Variants in SYNDIG1 observed in about 807,000 individuals in gnomAD.
The protein encoded by SYNDIG1 is synapse differentiation-inducing gene protein 1.
In SYNDIG1, 9 loss-of-function variants were observed where a neutral mutation model predicts 19.4. The ratio of observed to expected loss-of-function variants is 0.46; its 90% confidence interval spans 0.28 to 0.81. The LOEUF is 0.81. Ranked by LOEUF, SYNDIG1 falls within the 30% of genes least tolerant of loss-of-function variation. The probability of loss-of-function intolerance (pLI) is 0.12; values close to 1 mark genes in which losing one functional copy is unlikely to be tolerated. For synonymous variants in SYNDIG1, 141 were observed against 145.9 expected (o/e 0.97, Z 0.24); for missense variants, 311 against 343.3 (o/e 0.91, Z 0.74).
At chr20:24,557,076 C>T (rs895352488) in intron 2 of SYNDIG1, among the ~76,000 whole-genome samples, 2 of 152,016 alleles carry the variant, frequency 1.3e-5, no homozygotes, top group African/African-American at 4.8e-5. Flanking sequence ...TCACTGATAC[C>T]CTTTCTTCCA....
At chr20:24,588,386 AG>A (rs920010974) in intron 3 of SYNDIG1, among the ~76,000 whole-genome samples, 6 of 152,214 alleles carry the variant, frequency 3.9e-5, no homozygotes, top group African/African-American at 1.4e-4. Flanking sequence ...AGTGTTAGTG[AG>A]GTGGGTAACA....
At chr20:24,537,867 A>G (rs1474499898) in intron 1 of SYNDIG1, among the ~76,000 whole-genome samples, 2 of 151,822 alleles carry the variant, frequency 1.3e-5, no homozygotes, top group African/African-American at 4.8e-5. Context: ...ACATCCTAGG[A>G]TGTGAAGGAG....
At position 24,658,031 on chromosome 20, in the gene SYNDIG1, G is replaced by A. The variant is rs2059546466; in HGVS notation, c.619-7315G>A. On this transcript the variant is annotated intron_variant, in intron 3 of 3. Transcript: ENST00000376862. The surrounding 1 kb of genome is among the most constrained non-coding windows in gnomAD (Gnocchi z 4.4). ...GCATAACTGCTGAGGACCCCCAGCT[G>A]TGCTGGCCCCGGTCCATGGATGACG... Among the ~76,000 whole-genome samples, 1 of 152,150 alleles carries A rather than the reference G, an allele frequency of 6.6e-6. No homozygotes were observed. Among genetic ancestry groups the A allele is most frequent in the Non-Finnish European group, 1.5e-5 (1 of 68,014 alleles).
intron 2 of SYNDIG1, among the ~76,000 whole-genome samples, chr20:24,580,033 C>T (rs1032314668): frequency 7.9e-5 from 12 of 152,158 alleles, no homozygotes; most frequent in Non-Finnish European, 1.3e-4. Flanking sequence ...GTAGAATGGG[C>T]GGCCCTGGAG....
intron 1 of SYNDIG1, among the ~76,000 whole-genome samples, chr20:24,486,943 C>T (rs1195283815): frequency 1.3e-5 from 2 of 152,118 alleles, no homozygotes; most frequent in Admixed American, 6.6e-5. Context: ...AGGTGTGAGC[C>T]GCCGTGCGCA....
At chr20:24,540,761 G>A (rs1249770599) in intron 1 of SYNDIG1, among the ~76,000 whole-genome samples, 1 of 152,116 alleles carries the variant, frequency 6.6e-6, no homozygotes, top group Non-Finnish European at 1.5e-5. Context: ...ACTTGATCAT[G>A]GTATATGATT....
At chr20:24,586,515 T>C (rs2058420608) in intron 3 of SYNDIG1, among the ~76,000 whole-genome samples, 1 of 152,244 alleles carries the variant, frequency 6.6e-6, no homozygotes, top group African/African-American at 2.4e-5. Flanking sequence ...AGGCCCATGG[T>C]GGGCAGAGCC....
intron 3 of SYNDIG1, among the ~76,000 whole-genome samples, chr20:24,595,258 A>G (rs866602152): frequency 3.3e-5 from 5 of 152,198 alleles, no homozygotes; most frequent in Non-Finnish European, 2.9e-5. Context: ...TTCTGCATCT[A>G]TTGAGATGAT....
chr20:24,632,428 TG>T (rs1163323558), intron 3 of SYNDIG1, among the ~76,000 whole-genome samples: 1 of 152,088 alleles, frequency 6.6e-6, no homozygotes, highest in Non-Finnish European at 1.5e-5. Flanking sequence ...TCAGTAGAGA[TG>T]GGGTTTCACC....
intron 1 of SYNDIG1, among the ~76,000 whole-genome samples, chr20:24,494,412 T>G (rs985717419): frequency 4.0e-5 from 6 of 151,738 alleles, no homozygotes; most frequent in Non-Finnish European, 1.5e-5. Flanking sequence ...GCAGGAGAGA[T>G]CATCGAAGTG....
rs571826526 is a variant in SYNDIG1, at chr20:24,528,612, C to A, written c.-78-14408C>A. On this transcript the variant is annotated intron_variant, in intron 1 of 3. Coordinates refer to ENST00000376862, the MANE Select transcript of SYNDIG1 (RefSeq NM_024893.3). ...GAAGCTCAAGAAGGGGCTAACTCTCCCCCTCAAGCCCTTTTGTACAGGCAC... is the reference window on the plus strand; with the variant it reads ...GAAGCTCAAGAAGGGGCTAACTCTCACCCTCAAGCCCTTTTGTACAGGCAC... Among the ~76,000 whole-genome samples, 15 of 152,270 alleles carry A rather than the reference C, an allele frequency of 9.9e-5. No homozygotes were observed. In the South Asian group the frequency reaches 3.1e-3, roughly 32 times the overall value.
intron 3 of SYNDIG1, among the ~76,000 whole-genome samples, chr20:24,604,885 G>A (rs182985201): frequency 1.2e-3 from 178 of 152,238 alleles, no homozygotes; most frequent in African/African-American, 4.0e-3. Context: ...CGTGCACCCC[G>A]CCAGATCCCA....
intron 1 of SYNDIG1, among the ~76,000 whole-genome samples, chr20:24,514,960 G>T (rs1179669440): frequency 1.3e-5 from 2 of 152,170 alleles, no homozygotes; most frequent in Admixed American, 6.5e-5. Flanking sequence ...TAGAACTCAG[G>T]ATTAAGAAAC....
chr20:24,569,763 CTG>C (rs922279837), intron 2 of SYNDIG1, among the ~76,000 whole-genome samples: 6 of 152,172 alleles, frequency 3.9e-5, no homozygotes, highest in African/African-American at 1.4e-4. Context: ...GAGTGTCCTG[CTG>C]TGTGCAACTC....
chr20:24,528,934 G>A (rs1231223424), intron 1 of SYNDIG1, among the ~76,000 whole-genome samples: 1 of 152,156 alleles, frequency 6.6e-6, no homozygotes, highest in East Asian at 1.9e-4. Context: ...GTTCAACTGT[G>A]TTTTTCAAGG....
intron 2 of SYNDIG1, among the ~76,000 whole-genome samples, chr20:24,564,904 C>T (rs1376429070): frequency 2.0e-5 from 3 of 152,210 alleles, no homozygotes; most frequent in Non-Finnish European, 4.4e-5. Context: ...ATGTTTTCCT[C>T]CTGGATAATG....
Position 24,665,364 on chromosome 20 carries a change from A to G in SYNDIG1, c.637A>G (p.Lys213Glu), listed in dbSNP as rs373829152. The G allele has an allele frequency of 1.2e-6, 2 of 1,602,100 alleles. No homozygotes were observed. Among genetic ancestry groups the G allele is most frequent in the Non-Finnish European group, 1.7e-6 (2 of 1,176,338 alleles). Reference protein sequence around the residue: ...LSHETNKAVAKGDLHQASTSS... With the variant: ...LSHETNKAVAEGDLHQASTSS... The stretch of plus-strand genomic sequence containing the variant: ...TCTGCAGACCAACAAAGCCGTGGCC[A>G]AGGGGGACTTGCACCAGGCCAGCAC... The change falls in exon 4 of 4, where the codon AAG becomes GAG. Residue 213 changes from lysine (K) to glutamate (E), a missense_variant. Coordinates refer to ENST00000376862, the MANE Select transcript of SYNDIG1 (RefSeq NM_024893.3).
intron 3 of SYNDIG1, among the ~76,000 whole-genome samples, chr20:24,663,222 G>A (rs2059618963): frequency 6.6e-6 from 1 of 152,190 alleles, no homozygotes; most frequent in South Asian, 2.1e-4. Context: ...GGCTGCATCT[G>A]TTTGCTGTTT....
intron 3 of SYNDIG1, among the ~76,000 whole-genome samples, chr20:24,596,626 G>A (rs769370922): frequency 4.3e-4 from 66 of 152,090 alleles, no homozygotes; most frequent in Non-Finnish European, 7.3e-4. Context: ...TGATCAGACC[G>A]CCTCGGCCTC....
Sources: allele counts gnomAD v4.1 joint callset (sites outside exome capture counted in the v4.1 genomes callset), GRCh38; gene constraint gnomAD v4.1.1; non-coding constraint Gnocchi (gnomAD v3.1); transcripts MANE v1.5; gene names NCBI Gene and HGNC (gene_info 2026-07-23, HGNC 2026-07-21).